ENPP1: variants seen among roughly 807,000 people sequenced by gnomAD.
ENPP1 encodes ectonucleotide pyrophosphatase/phosphodiesterase family member 1.
ENPP1 carries 73 observed loss-of-function variants against 122.8 expected under a neutral mutation model. The ratio of observed to expected loss-of-function variants is 0.59; its 90% CI spans 0.49 to 0.72. The LOEUF is 0.72. Ranked by LOEUF, ENPP1 falls within the 30% of genes least tolerant of loss-of-function variation. The pLI is 0.00. For missense variants in ENPP1, 978 were observed against 1,128.1 expected, an observed-to-expected ratio of 0.87 and a Z score of 1.91; for synonymous variants, 367 against 391.6, an observed-to-expected ratio of 0.94 and a Z score of 0.74.
rs1279579095 is a variant in ENPP1 at position 131,850,979 on chromosome 6, G to C, written c.431-163G>C. 2.0e-5 allele frequency among the ~76,000 whole-genome samples: 3 copies of C among 152,312 alleles called. No homozygotes were observed. The East Asian group carries it at 5.8e-4, about 29-fold the overall frequency. On this transcript the variant is annotated intron_variant, in intron 3 of 24. Transcript: ENST00000647893. ...GGTTCCTACATATTTTACCCCATTA[G>C]TTCAGAGTGGCCATGGTAGTGGCAG...
chr6:131,853,289 C>G (rs6926728), intron 5 of ENPP1, among the ~76,000 whole-genome samples: 45,435 of 151,884 alleles, frequency 0.3, 11,090 homozygotes, highest in African/African-American at 0.68. Context: ...TTTCATGTAC[C>G]CTAAACTGTC....
chr6:131,864,899 A>G lies in ENPP1; in HGVS notation c.1125A>G (p.Pro375=), dbSNP rs1782070370. Residue 375 remains proline, a synonymous_variant, in exon 11 of 25, where the codon CCA becomes CCG. Coordinates refer to ENST00000647893, the MANE Select transcript of ENPP1 (RefSeq NM_006208.3). ...TTTACACTCTGTATTTAGAAGAACC[A>G]GATTCTTCAGGTCATTCATATGGAC... ...PHFYTLYLEE[P]DSSGHSYGPV... is the part of the protein sequence containing the mutation. 3 of 1,606,138 alleles carry G rather than the reference A, an allele frequency of 1.9e-6. No homozygotes were observed. The East Asian group carries it at 6.7e-5, about 36-fold the overall frequency.
At chr6:131,813,136 C>T (rs1007091117) in intron 1 of ENPP1, among the ~76,000 whole-genome samples, 1 of 152,064 alleles carries the variant, frequency 6.6e-6, no homozygotes, top group African/African-American at 2.4e-5. Flanking sequence ...CCACTTTGCC[C>T]GGTGATTCGG....
At chr6:131,842,727 T>C (rs1196564646) in intron 1 of ENPP1, among the ~76,000 whole-genome samples, 3 of 152,210 alleles carry the variant, frequency 2.0e-5, no homozygotes, top group African/African-American at 7.2e-5. Context: ...GCCAACTTCC[T>C]TTGTTTCTCT....
At chr6:131,872,046 AT>A in intron 13 of ENPP1, 23 bp from the exon 14 acceptor site, 2 of 1,535,720 alleles carry the variant, frequency 1.3e-6, no homozygotes, top group Non-Finnish European at 1.8e-6. Context: ...TCAACTATTA[AT>A]TCTTATGTTT....
chr6:131,826,789 GA>G, intron 1 of ENPP1: 1 of 435,960 alleles, frequency 2.3e-6, no homozygotes, highest in Non-Finnish European at 4.3e-6. Flanking sequence ...TTTAAGTCCT[GA>G]AAGCCGTCTA....
intron 1 of ENPP1, among the ~76,000 whole-genome samples, chr6:131,818,426 C>T (rs974419256): frequency 6.6e-6 from 1 of 151,960 alleles, no homozygotes; most frequent in Admixed American, 6.5e-5. Context: ...GCGGGTGGAT[C>T]ACGAGGTCAG....
At chr6:131,865,078 A>G (rs749561870) in intron 11 of ENPP1, 140 bp downstream of exon 11, 3 of 685,974 alleles carry the variant, frequency 4.4e-6, no homozygotes, top group South Asian at 1.6e-5. Flanking sequence ...ATTACTAAAT[A>G]TAAGGATGCA....
intron 1 of ENPP1, among the ~76,000 whole-genome samples, chr6:131,838,545 G>T (rs184505794): frequency 6.8e-6 from 1 of 147,474 alleles, no homozygotes; most frequent in East Asian, 2.0e-4. Context: ...AATATTAAAA[G>T]AAAAGTCTGA....
In ENPP1 at chr6:131,869,257, T is replaced by C. The variant is rs978849451; in HGVS notation, c.1274-101T>C. The C allele has an allele frequency of 2.8e-5, 31 of 1,114,690 alleles. 1 individual carries two copies. The Admixed American group carries it at 5.3e-4, about 19-fold the overall frequency. The allele number at this position is 1,114,690 out of a possible 1,614,324, so 69.0% of individuals were successfully genotyped here. A position where few individuals can be genotyped will look rare whatever the true frequency, so the allele number is the denominator to read the frequency against. ...TCAACTAATATGAGTGCTACACCCA[T>C]GTTTAACGAATTTAACCTTGGAAGT... On this transcript the variant is annotated intron_variant, in intron 12 of 24. Transcript: ENST00000647893.
chr6:131,892,544 A>G lies in ENPP1; in HGVS notation c.*2033A>G, dbSNP rs1585850603. Reference sequence around the variant, plus strand: ...GAGTGACCAGGAAGAGCTTCATTACACCAGGTGGGAATGAAATTCCCAGTA... The same window carrying G: ...GAGTGACCAGGAAGAGCTTCATTACGCCAGGTGGGAATGAAATTCCCAGTA... On this transcript the variant is annotated 3_prime_UTR_variant, in exon 25 of 25. Transcript: ENST00000647893. The G allele has an allele frequency of 6.6e-6, 1 of 152,216 alleles. No homozygotes were observed. The highest frequency in any genetic ancestry group is 1.5e-5 in the Non-Finnish European group (1 of 68,054). 9.4% of individuals were successfully genotyped at this position (152,216 alleles called of 1,614,324 possible).
At chr6:131,822,585 A>ATT (rs1562510294) in intron 1 of ENPP1, among the ~76,000 whole-genome samples, 3 of 151,194 alleles carry the variant, frequency 2.0e-5, no homozygotes, top group African/African-American at 2.4e-5. Context: ...TCACTTTTAA[A>ATT]AAAAAAAAAA....
chr6:131,813,749 A>C (rs1781383326), intron 1 of ENPP1, among the ~76,000 whole-genome samples: 1 of 152,156 alleles, frequency 6.6e-6, no homozygotes, highest in African/African-American at 2.4e-5. Flanking sequence ...AGTAGAATTA[A>C]GTGCGTTTGA....
At chr6:131,818,091 G>A (rs551534444) in intron 1 of ENPP1, among the ~76,000 whole-genome samples, 3 of 151,970 alleles carry the variant, frequency 2.0e-5, no homozygotes, top group Non-Finnish European at 2.9e-5. Context: ...TTTTTTTGAC[G>A]TTAGCAAGCA....
intron 20 of ENPP1, among the ~76,000 whole-genome samples, chr6:131,881,830 C>T (rs1782313219): frequency 1.3e-5 from 2 of 152,022 alleles, no homozygotes; most frequent in Admixed American, 1.3e-4. Flanking sequence ...ACCAGCCTTG[C>T]CAACATGGTG....
intron 1 of ENPP1, chr6:131,827,102 G>A: frequency 1.5e-6 from 1 of 680,800 alleles, no homozygotes. Context: ...CCATTTCGGT[G>A]AACTCAAAGA....
chr6:131,887,470 G>A (rs1045037559), intron 24 of ENPP1, among the ~76,000 whole-genome samples: 10 of 150,450 alleles, frequency 6.6e-5, no homozygotes, highest in South Asian at 2.1e-4. Context: ...TCGGCTCACC[G>A]CAAGCTCCGC....
In ENPP1 at chr6:131,886,546, T is replaced by C. The variant is rs1299236544; in HGVS notation, c.2445-16T>C. On this transcript the variant is annotated splice_polypyrimidine_tract_variant and intron_variant, in intron 23 of 24. Coordinates refer to ENST00000647893, the MANE Select transcript of ENPP1 (RefSeq NM_006208.3). ...AGTTATTTCTTTCTTAAAATGAATA[T>C]TGGCATGTTTTACAGAAAAAGAAGA... 6.3e-7 allele frequency: 1 copy of C among 1,588,800 alleles called. No homozygotes were observed. Among genetic ancestry groups the C allele is most frequent in the South Asian group, 1.1e-5 (1 of 90,324 alleles).
At chr6:131,889,289 T>G (rs1443301836) in intron 24 of ENPP1, among the ~76,000 whole-genome samples, 1 of 152,144 alleles carries the variant, frequency 6.6e-6, no homozygotes, top group African/African-American at 2.4e-5. Context: ...CATAGGTAAA[T>G]GTGTGCCATG....
Sources: allele counts gnomAD v4.1 joint callset (sites outside exome capture counted in the v4.1 genomes callset), GRCh38; gene constraint gnomAD v4.1.1; transcripts MANE v1.5; gene names NCBI Gene and HGNC (gene_info 2026-07-23, HGNC 2026-07-21).